PCDHA8: variants seen among roughly 807,000 people sequenced by gnomAD.
PCDHA8 encodes the protein protocadherin alpha-8.
Under a neutral mutation model 61.8 loss-of-function variants are expected in PCDHA8, and 53 were observed. The observed-to-expected ratio is 0.86, with a 90% CI of 0.69 to 1.08. The LOEUF (loss-of-function observed/expected upper bound fraction) is 1.08. PCDHA8 is among the 50% of genes least tolerant of loss of function. The pLI is 0.00. For missense variants in PCDHA8, 1,293 were observed against 1,245.0 expected, an observed-to-expected ratio of 1.04 and a Z score of -0.58; for synonymous variants, 618 against 556.6, an observed-to-expected ratio of 1.11 and a Z score of -1.55.
chr5:140,857,419 C>G, intron 1 of PCDHA8: 3 of 1,598,332 alleles, frequency 1.9e-6, no homozygotes, highest in Non-Finnish European at 2.6e-6. Context: ...TCGCGCAGTC[C>G]GAGTACACGG....
intron 1 of PCDHA8, among the ~76,000 whole-genome samples, chr5:140,910,741 ATAAAT>A (rs2075151736): frequency 6.6e-6 from 1 of 152,142 alleles, no homozygotes; most frequent in African/African-American, 2.4e-5. Flanking sequence ...AACCAAGCAC[ATAAAT>A]TATCAGAACC....
At position 140,874,324 on chromosome 5, in the gene PCDHA8, C is replaced by A. The variant is rs1369470009; in HGVS notation, c.2394+30609C>A. On this transcript the variant is annotated intron_variant, in intron 1 of 3. Transcript: ENST00000531613. Reference sequence around the variant, plus strand: ...TTCACAATGAGTTGTAGGATCTTATCTGTTTTTTTCTCTTAAAGCTGATCT... The same window carrying A: ...TTCACAATGAGTTGTAGGATCTTATATGTTTTTTTCTCTTAAAGCTGATCT... Among the ~76,000 whole-genome samples the A allele has an allele frequency of 2.6e-5, 4 of 151,652 alleles. No individual in the cohort carries two copies. In the East Asian group the frequency reaches 7.7e-4, roughly 29 times the overall value.
intron 1 of PCDHA8, chr5:140,877,359 C>T: frequency 1.2e-6 from 2 of 1,614,010 alleles, no homozygotes; most frequent in South Asian, 1.1e-5. Context: ...TGTACACTGG[C>T]GAGATCAGCA....
chr5:140,850,760 G>T lies in PCDHA8; in HGVS notation c.2394+7045G>T. 1.3e-6 allele frequency: 2 copies of T among 1,598,100 alleles called. 1 individual carries two copies. The highest frequency in any genetic ancestry group is 1.7e-6 in the Non-Finnish European group (2 of 1,167,646). On this transcript the variant is annotated intron_variant, in intron 1 of 3. Coordinates refer to ENST00000531613, the MANE Select transcript of PCDHA8 (RefSeq NM_018911.3). ...GTTGGTCGTACTCGCAGCAGAGGAGGCAGAGGGTGTGCTCTGGCGAGGGTA... is the reference window on the plus strand; with the variant it reads ...GTTGGTCGTACTCGCAGCAGAGGAGTCAGAGGGTGTGCTCTGGCGAGGGTA...
intron 1 of PCDHA8, among the ~76,000 whole-genome samples, chr5:140,924,429 A>G (rs1331551212): frequency 6.6e-6 from 1 of 152,184 alleles, no homozygotes; most frequent in Non-Finnish European, 1.5e-5. Flanking sequence ...CTAGTTCCCT[A>G]GAAGAGATAA....
chr5:140,856,441 G>T, intron 1 of PCDHA8: 1 of 1,598,410 alleles, frequency 6.3e-7, no homozygotes, highest in East Asian at 2.2e-5. Flanking sequence ...ACCCGCCCAG[G>T]TTCTCCGTAA....
In PCDHA8 at chr5:141,011,945, A is replaced by G. The variant is rs1588262929; in HGVS notation, c.*2008A>G. On this transcript the variant is annotated 3_prime_UTR_variant, in exon 4 of 4. Transcript: ENST00000531613. ...AGGTAGGAGTCTGTTATTTAAAAAAAGCATTAAATTTAAAAAAAAACTGTC... is the reference window on the plus strand; with the variant it reads ...AGGTAGGAGTCTGTTATTTAAAAAAGGCATTAAATTTAAAAAAAAACTGTC... 6.5e-6 allele frequency: 1 copy of G among 153,752 alleles called. No individual in the cohort carries two copies. The highest frequency in any genetic ancestry group is 1.5e-5 in the Non-Finnish European group (1 of 68,044). The allele number at this position is 153,752 out of a possible 1,614,324, so 9.5% of individuals were successfully genotyped here. A position where few individuals can be genotyped will look rare whatever the true frequency, so the allele number is the denominator to read the frequency against.
intron 1 of PCDHA8, chr5:140,850,986 T>C (rs2041915451): frequency 6.9e-7 from 1 of 1,450,124 alleles, no homozygotes; most frequent in South Asian, 1.6e-5. Context: ...TTTATTCATT[T>C]TTCTAGAAAT....
chr5:140,852,387 C>T (rs1288868596), intron 1 of PCDHA8: 3 of 184,816 alleles, frequency 1.6e-5, no homozygotes, highest in African/African-American at 4.9e-5. Context: ...AAGCAATTCT[C>T]CTGCCTCAGC....
intron 3 of PCDHA8, among the ~76,000 whole-genome samples, chr5:140,997,899 G>T (rs2097789789): frequency 6.6e-6 from 1 of 152,126 alleles, no homozygotes; most frequent in Non-Finnish European, 1.5e-5. Context: ...TAAATTTCAA[G>T]AAGTAGAATT....
At chr5:140,992,925 C>G (rs548869982) in intron 3 of PCDHA8, among the ~76,000 whole-genome samples, 1 of 152,312 alleles carries the variant, frequency 6.6e-6, no homozygotes, top group South Asian at 2.1e-4. Flanking sequence ...TCCATACTTA[C>G]AGCAGCTCTG....
chr5:140,850,664 C>T, intron 1 of PCDHA8: 1 of 1,598,396 alleles, frequency 6.3e-7, no homozygotes, highest in Non-Finnish European at 8.6e-7. Context: ...TGCTGCGGTG[C>T]TCGGCGATGC....
chr5:140,901,575 C>T (rs1554189900), intron 1 of PCDHA8, among the ~76,000 whole-genome samples: 1 of 152,030 alleles, frequency 6.6e-6, no homozygotes, highest in African/African-American at 2.4e-5. Context: ...GTTTTTATGC[C>T]AGTGCCATGA....
chr5:140,887,446 C>T (rs554116341), intron 1 of PCDHA8, among the ~76,000 whole-genome samples: 1 of 152,170 alleles, frequency 6.6e-6, no homozygotes, highest in East Asian at 1.9e-4. Flanking sequence ...GCATAGTTGA[C>T]AGTTTTTTAA....
intron 1 of PCDHA8, among the ~76,000 whole-genome samples, chr5:140,879,380 T>C (rs1213546230): frequency 6.6e-6 from 1 of 152,106 alleles, no homozygotes; most frequent in Admixed American, 6.5e-5. Flanking sequence ...CAGAACAAGG[T>C]TGGAGAAACA....
rs782592420 is a variant in PCDHA8, at chr5:140,869,527, A to G, written c.2394+25812A>G. The G allele has an allele frequency of 1.2e-6, 2 of 1,614,186 alleles. No individual in the cohort carries two copies. Among genetic ancestry groups the G allele is most frequent in the African/African-American group, 2.7e-5 (2 of 75,038 alleles). On this transcript the variant is annotated intron_variant, in intron 1 of 3. Coordinates refer to ENST00000531613, the MANE Select transcript of PCDHA8 (RefSeq NM_018911.3). ...CTCGCTCAGAGAACAAAAGCTGCTG[A>G]TTGCGGAATCTAAGCAATCGGACTC...
intron 1 of PCDHA8, among the ~76,000 whole-genome samples, chr5:140,963,380 G>A (rs1476855902): frequency 6.6e-6 from 1 of 152,198 alleles, no homozygotes; most frequent in Non-Finnish European, 1.5e-5. Context: ...GAGCACCTCT[G>A]TGCCAAGCTC....
chr5:140,966,532 G>A (rs1418404048), intron 1 of PCDHA8: 7 of 447,876 alleles, frequency 1.6e-5, no homozygotes, highest in East Asian at 3.5e-5. Flanking sequence ...GAGCCGGGTT[G>A]AGCGACTCGG....
chr5:140,866,006 A>AT (rs879985909), intron 1 of PCDHA8: 11 of 151,858 alleles, frequency 7.2e-5, no homozygotes, highest in East Asian at 1.9e-4. Context: ...ATGTTAAGTG[A>AT]TTTTTTTCTT....
Sources: allele counts gnomAD v4.1 joint callset (sites outside exome capture counted in the v4.1 genomes callset), GRCh38; gene constraint gnomAD v4.1.1; transcripts MANE v1.5; gene names NCBI Gene and HGNC (gene_info 2026-07-23, HGNC 2026-07-21).